The following AGPAT3 variants were observed in gnomAD, a reference collection of about 807,000 sequenced individuals.
The protein encoded by AGPAT3 is 1-acylglycerol-3-phosphate O-acyltransferase 3.
In AGPAT3, 5 loss-of-function variants were observed where a neutral mutation model predicts 47.3. That is an observed-to-expected ratio of 0.11 (90% CI 0.06 to 0.22). AGPAT3 has a LOEUF of 0.22. Among genes scored for constraint, AGPAT3 ranks in the 10% least tolerant of loss-of-function variants. The pLI is 1.00. For missense variants in AGPAT3, 315 were observed against 493.0 expected (o/e 0.64, Z 3.42); for synonymous variants, 212 against 208.3 (o/e 1.02, Z -0.15).
At chr21:43,902,962 G>A (rs1444834206) in intron 1 of AGPAT3, among the ~76,000 whole-genome samples, 2 of 152,098 alleles carry the variant, frequency 1.3e-5, no homozygotes, top group Non-Finnish European at 2.9e-5. Context: ...ATTGTGCCAC[G>A]GCGACTCCAG....
At chr21:43,961,515 C>G (rs1406156585) in intron 3 of AGPAT3, among the ~76,000 whole-genome samples, 1 of 69,116 alleles carries the variant, frequency 1.4e-5, no homozygotes, top group Non-Finnish European at 3.2e-5. Context: ...CACTTTGTCT[C>G]GTGGGAAACG....
At chr21:43,917,291 T>C (rs1372711341) in intron 2 of AGPAT3, among the ~76,000 whole-genome samples, 2 of 151,828 alleles carry the variant, frequency 1.3e-5, no homozygotes, top group South Asian at 2.1e-4. Flanking sequence ...TGCTCCTCCT[T>C]CTGCTGCCCT....
chr21:43,910,003 G>A (rs906936828), intron 2 of AGPAT3, among the ~76,000 whole-genome samples: 3 of 152,158 alleles, frequency 2.0e-5, no homozygotes, highest in Non-Finnish European at 2.9e-5. Context: ...GACCTAGGAC[G>A]CATCCTGGGG....
chr21:43,886,050 C>T (rs2085968909), intron 1 of AGPAT3, among the ~76,000 whole-genome samples: 2 of 152,216 alleles, frequency 1.3e-5, no homozygotes, highest in South Asian at 2.1e-4. Context: ...CATAGGAAGC[C>T]GAAGCCTGCA....
intron 2 of AGPAT3, among the ~76,000 whole-genome samples, chr21:43,958,079 CTGTT>C (rs2088578770): frequency 6.6e-6 from 1 of 152,226 alleles, no homozygotes; most frequent in African/African-American, 2.4e-5. Context: ...CCTCCTGGCT[CTGTT>C]TGCAGAGATT....
In AGPAT3 at chr21:43,973,072, G is replaced by A. The variant is rs573693101; in HGVS notation, c.767+1582G>A. 9.2e-5 allele frequency among the ~76,000 whole-genome samples: 14 copies of A among 152,354 alleles called. 1 individual carries two copies. The South Asian group carries it at 2.1e-3, about 23-fold the overall frequency. ...AAAACGACACCACCCAGTTCTGGCC[G>A]TACTATAGGAGGTTTCCAGGAAGGG... On this transcript the variant is annotated intron_variant, in intron 7 of 9. Transcript: ENST00000291572.
intron 8 of AGPAT3, among the ~76,000 whole-genome samples, chr21:43,978,485 A>G (rs1451125491): frequency 5.9e-5 from 9 of 152,042 alleles, no homozygotes; most frequent in African/African-American, 1.9e-4. Flanking sequence ...CAAAAAATGT[A>G]TCTTTGTAGA....
At position 43,982,398 on chromosome 21, in the gene AGPAT3, G is replaced by A. The variant is rs2089886335; in HGVS notation, c.*6G>A. On this transcript the variant is annotated 3_prime_UTR_variant, in exon 10 of 10. Coordinates refer to ENST00000291572, the MANE Select transcript of AGPAT3 (RefSeq NM_020132.5). The surrounding 1 kb of genome is among the most constrained non-coding windows in gnomAD (Gnocchi z 6.2). Reference sequence around the variant, plus strand: ...AGTTTAAGAAAAAGGAATAATTAATGGCTGTGACTGAACACACGCGGCCCT... The same window carrying A: ...AGTTTAAGAAAAAGGAATAATTAATAGCTGTGACTGAACACACGCGGCCCT... The A allele has an allele frequency of 6.2e-7, 1 of 1,607,196 alleles. No individual in the cohort carries two copies. The highest frequency in any genetic ancestry group is 1.1e-5 in the South Asian group (1 of 90,926).
At chr21:43,907,899 T>C (rs2086541123) in intron 2 of AGPAT3, among the ~76,000 whole-genome samples, 1 of 152,168 alleles carries the variant, frequency 6.6e-6, no homozygotes, top group Admixed American at 6.5e-5. Context: ...CGTTTGTCGA[T>C]TCCCCTGCTC....
chr21:43,960,861 C>A, intron 3 of AGPAT3: 2 of 797,478 alleles, frequency 2.5e-6, no homozygotes, highest in Non-Finnish European at 3.0e-6. Flanking sequence ...CCAGAAGGGG[C>A]TGGGCATGGT....
At chr21:43,967,879 T>C in intron 3 of AGPAT3, 67 bp from the exon 4 acceptor site, 1 of 1,525,242 alleles carries the variant, frequency 6.6e-7, no homozygotes, top group Non-Finnish European at 8.9e-7. Context: ...GTGTCTCCTG[T>C]GGGCGCTCCC....
In AGPAT3 at chr21:43,968,986, AC is replaced by A. The variant is rs998777675; in HGVS notation, c.349-127del. On this transcript the variant is annotated intron_variant, in intron 4 of 9. Coordinates refer to ENST00000291572, the MANE Select transcript of AGPAT3 (RefSeq NM_020132.5). ...GAAGCCGGGTCCTGCTTCACAGCAG[AC>A]CCCCTGAGCCACAAAGCCGTGACTC... 9.5e-5 allele frequency: 86 copies of A among 902,590 alleles called. No homozygotes were observed. The African/African-American group carries it at 1.4e-3, about 14-fold the overall frequency. 55.9% of individuals were successfully genotyped at this position (902,590 alleles called of 1,614,324 possible).
chr21:43,909,176 C>T (rs557564119), intron 2 of AGPAT3, among the ~76,000 whole-genome samples: 13 of 152,360 alleles, frequency 8.5e-5, no homozygotes, highest in Middle Eastern at 3.4e-3. Flanking sequence ...CCCATTGGGC[C>T]GATCCTCTGA....
intron 1 of AGPAT3, among the ~76,000 whole-genome samples, chr21:43,903,152 A>T (rs770663035): frequency 6.6e-6 from 1 of 152,234 alleles, no homozygotes; most frequent in Non-Finnish European, 1.5e-5. Flanking sequence ...GAAATAAGCC[A>T]GTCACATAAG....
At chr21:43,935,271 C>T (rs1184392265) in intron 2 of AGPAT3, among the ~76,000 whole-genome samples, 1 of 152,370 alleles carries the variant, frequency 6.6e-6, no homozygotes, top group African/African-American at 2.4e-5. Context: ...GAGGCAGGCT[C>T]AGGACACACC....
intron 1 of AGPAT3, among the ~76,000 whole-genome samples, chr21:43,902,654 C>T (rs1223677352): frequency 6.6e-6 from 1 of 152,128 alleles, no homozygotes; most frequent in Non-Finnish European, 1.5e-5. Context: ...TGGCCTAATC[C>T]CCTGCCAATG....
Position 43,933,580 on chromosome 21 carries a change from G to A in AGPAT3, c.-48-26054G>A, listed in dbSNP as rs533129001. Among the ~76,000 whole-genome samples, 18 of 152,116 alleles carry A rather than the reference G, an allele frequency of 1.2e-4. No homozygotes were observed. Among genetic ancestry groups the A allele is most frequent in the African/African-American group, 3.6e-4 (15 of 41,492 alleles). On this transcript the variant is annotated intron_variant, in intron 2 of 9. Transcript: ENST00000291572. The surrounding 1 kb of genome is among the most constrained non-coding windows in gnomAD (Gnocchi z 6.0). ...CTTTGGTTCTCCATAGCCTGCTGGC[G>A]TCCATGTGTTTTTATTCTTTCTTTA...
intron 2 of AGPAT3, among the ~76,000 whole-genome samples, chr21:43,945,360 G>A (rs891611723): frequency 6.6e-6 from 1 of 152,222 alleles, no homozygotes; most frequent in Admixed American, 6.5e-5. Flanking sequence ...GCTGAACTGT[G>A]CACATTGGGG....
intron 5 of AGPAT3, among the ~76,000 whole-genome samples, chr21:43,969,598 T>C (rs534789211): frequency 6.6e-6 from 1 of 152,380 alleles, no homozygotes; most frequent in Admixed American, 6.5e-5. Context: ...CCCATTCTTT[T>C]TCTGTCCCTT....
Sources: allele counts gnomAD v4.1 joint callset (sites outside exome capture counted in the v4.1 genomes callset), GRCh38; gene constraint gnomAD v4.1.1; non-coding constraint Gnocchi (gnomAD v3.1); transcripts MANE v1.5; gene names NCBI Gene and HGNC (gene_info 2026-07-23, HGNC 2026-07-21).